The following GJC1 variants were observed in gnomAD, a reference collection of about 807,000 sequenced individuals.
GJC1 encodes the protein gap junction gamma-1 protein.
In GJC1, 5 loss-of-function variants were observed where a neutral mutation model predicts 29.3. That is an observed-to-expected ratio of 0.17 (90% CI 0.09 to 0.36). The LOEUF is 0.36. GJC1 is among the 10% of genes least tolerant of loss of function. GJC1 has a pLI of 1.00. For missense variants in GJC1, 310 were observed against 496.2 expected, an observed-to-expected ratio of 0.62 and a Z score of 3.56; for synonymous variants, 177 against 183.3, an observed-to-expected ratio of 0.97 and a Z score of 0.28.
Position 44,804,918 on chromosome 17 carries a change from C to A in GJC1, c.900G>T (p.Gln300His), listed in dbSNP as rs550798574. 6.2e-7 allele frequency: 1 copy of A among 1,614,148 alleles called. No individual in the cohort carries two copies. Among genetic ancestry groups the A allele is most frequent in the African/African-American group, 1.3e-5 (1 of 75,010 alleles). Residue 300 changes from glutamine (Q) to histidine (H), a missense_variant, in exon 3 of 3, where the codon CAG (glutamine) becomes CAT (histidine). Physicochemically the swap from Gln to His is conservative, Grantham distance 24. Coordinates refer to ENST00000592524, the MANE Select transcript of GJC1 (RefSeq NM_005497.4). Reference sequence around the variant, plus strand: ...TCTTAGCATTGGACAGTTCGGTGTACTGGATTTGATCTGGTTTGACAGCAA... The same window carrying A: ...TCTTAGCATTGGACAGTTCGGTGTAATGGATTTGATCTGGTTTGACAGCAA... ...YNIAVKPDQI[Q>H]YTELSNAKIA...
intron 1 of GJC1, among the ~76,000 whole-genome samples, chr17:44,808,649 C>A (rs2049940204): frequency 6.6e-6 from 1 of 152,200 alleles, no homozygotes. Flanking sequence ...GTGGTCCCAG[C>A]TACTTGGGAG....
At chr17:44,824,710 T>C (rs1016596341) in intron 1 of GJC1, among the ~76,000 whole-genome samples, 1 of 150,948 alleles carries the variant, frequency 6.6e-6, no homozygotes, top group African/African-American at 2.4e-5. Flanking sequence ...CTTGGGAGGC[T>C]GAGGCAGGAG....
chr17:44,796,073 C>CACCGGTGCCTGTCAGTGT (rs1189380453), downstream of GJC1, among the ~76,000 whole-genome samples: 10 of 152,204 alleles, frequency 6.6e-5, no homozygotes, highest in South Asian at 4.1e-4. Flanking sequence ...CCTGCCAGCG[C>CACCGGTGCCTGTCAGTGT]ACCGGTGCCT....
intron 1 of GJC1, among the ~76,000 whole-genome samples, chr17:44,815,227 T>C (rs543292142): frequency 6.6e-6 from 1 of 152,286 alleles, no homozygotes; most frequent in Non-Finnish European, 1.5e-5. Flanking sequence ...TCACCCAGGC[T>C]GGAGTGCAGT....
chr17:44,824,739 G>A (rs2050150682), intron 1 of GJC1, among the ~76,000 whole-genome samples: 1 of 151,094 alleles, frequency 6.6e-6, no homozygotes, highest in African/African-American at 2.4e-5. Flanking sequence ...GAACCTGGGA[G>A]GCAGAGGTTG....
chr17:44,817,009 G>A (rs570564641), intron 1 of GJC1, among the ~76,000 whole-genome samples: 36 of 151,592 alleles, frequency 2.4e-4, no homozygotes, highest in Admixed American at 4.6e-4. Context: ...TCAGGAGTTC[G>A]AGACCAGCCT....
intron 1 of GJC1, among the ~76,000 whole-genome samples, chr17:44,823,722 T>C (rs1451017366): frequency 6.6e-6 from 1 of 151,736 alleles, no homozygotes; most frequent in African/African-American, 2.4e-5. Flanking sequence ...TTTCCTTTTT[T>C]TTTTTTTGAG....
At chr17:44,820,376 A>G (rs1187599274) in intron 1 of GJC1, among the ~76,000 whole-genome samples, 1 of 152,218 alleles carries the variant, frequency 6.6e-6, no homozygotes. Flanking sequence ...TTCTTTCCAT[A>G]TCCTAATTTC....
chr17:44,808,410 GAAC>G (rs777222286), intron 1 of GJC1, among the ~76,000 whole-genome samples: 48 of 146,066 alleles, frequency 3.3e-4, no homozygotes, highest in Non-Finnish European at 1.4e-4. Flanking sequence ...CTGGTAGATA[GAAC>G]AACACCCTGT....
At position 44,798,594 on chromosome 17, in the gene GJC1, G is replaced by A. The variant is rs1290539790; in HGVS notation, c.*6033C>T. The A allele has an allele frequency of 2.0e-5, 3 of 152,176 alleles. No homozygotes were observed. The highest frequency in any genetic ancestry group is 2.9e-5 in the Non-Finnish European group (2 of 68,028). 9.4% of individuals were successfully genotyped at this position (152,176 alleles called of 1,614,324 possible). A position where few individuals can be genotyped will look rare whatever the true frequency, so the allele number is the denominator to read the frequency against. On this transcript the variant is annotated 3_prime_UTR_variant, in exon 3 of 3. Coordinates refer to ENST00000592524, the MANE Select transcript of GJC1 (RefSeq NM_005497.4). ...AGTGATCTTTGGCACTAGAACAGGT[G>A]ATTCCTTAGCTGTTCATGCAATATC...
chr17:44,830,958 C>T (rs1243243143), upstream of GJC1: 1 of 363,550 alleles, frequency 2.8e-6, no homozygotes, highest in Non-Finnish European at 4.9e-6. The surrounding 1 kb of genome is among the most constrained non-coding windows in gnomAD (Gnocchi z 4.3). Flanking sequence ...TTTTAAAATG[C>T]CCAGTAGGAA....
At chr17:44,795,187 T>G (rs1346390624), downstream of GJC1, 1 of 152,200 alleles carries the variant, frequency 6.6e-6, no homozygotes, top group Non-Finnish European at 1.5e-5. Flanking sequence ...TCTTTTCACA[T>G]GGGCCTAGTC....
chr17:44,811,583 T>C (rs1332694809), intron 1 of GJC1, among the ~76,000 whole-genome samples: 2 of 151,674 alleles, frequency 1.3e-5, no homozygotes, highest in African/African-American at 4.8e-5. Context: ...GAAGAGGTTT[T>C]GCCATGTTGC....
intron 1 of GJC1, among the ~76,000 whole-genome samples, chr17:44,811,455 G>T: frequency 6.7e-6 from 1 of 150,256 alleles, no homozygotes; most frequent in East Asian, 2.0e-4. Flanking sequence ...GCGGCACCTG[G>T]GCTCACTGTA....
chr17:44,804,936 G>A lies in GJC1; in HGVS notation c.882C>T (p.Val294=), dbSNP rs1431082609. The A allele has an allele frequency of 6.2e-7, 1 of 1,614,150 alleles. No homozygotes were observed. Among genetic ancestry groups the A allele is most frequent in the Non-Finnish European group, 8.5e-7 (1 of 1,180,008 alleles). The change falls in exon 3 of 3, where the codon GTC becomes GTT. Residue 294 remains valine (V), a synonymous_variant. Transcript: ENST00000592524. ...PSAPPGYNIA[V]KPDQIQYTEL... ...CGGTGTACTGGATTTGATCTGGTTT[G>A]ACAGCAATGTTATAGCCAGGGGGAG... is the stretch of plus-strand genomic sequence containing the variant.
intron 1 of GJC1, among the ~76,000 whole-genome samples, chr17:44,826,220 C>G (rs928459960): frequency 6.6e-6 from 1 of 152,170 alleles, no homozygotes; most frequent in African/African-American, 2.4e-5. Context: ...CCACTCCTGG[C>G]CCCATTTCAT....
chr17:44,805,271 C>A lies in GJC1; in HGVS notation c.547G>T (p.Ala183Ser). 6.2e-7 allele frequency: 1 copy of A among 1,614,172 alleles called. No individual in the cohort carries two copies. Among genetic ancestry groups the A allele is most frequent in the Non-Finnish European group, 8.5e-7 (1 of 1,180,026 alleles). ...LMKIYVLQLL[A>S]RTVFEVGFLI... ...AAACCCACCTCAAACACGGTCCTTG[C>A]CAGCAACTGCAGCACATAGATTTTC... Residue 183 changes from alanine to serine, a missense_variant, in exon 3 of 3, where the codon GCA becomes TCA. This residue lies in a region of GJC1 where 45 missense variants were observed against 126.2 expected (regional missense o/e 0.36). Transcript: ENST00000592524. This position sits in a 1 kb window ranked among gnomAD's most constrained non-coding sequence, Gnocchi z 5.1.
At position 44,801,851 on chromosome 17, in the gene GJC1, C is replaced by G. The variant is rs937574455; in HGVS notation, c.*2776G>C. ...AACTCCTGACCTCAGGTAATCCACCCGCCTGGGCCTCCTAAAGTGCTGGGA... is the reference window on the plus strand; with the variant it reads ...AACTCCTGACCTCAGGTAATCCACCGGCCTGGGCCTCCTAAAGTGCTGGGA... On this transcript the variant is annotated 3_prime_UTR_variant, in exon 3 of 3. Coordinates refer to ENST00000592524, the MANE Select transcript of GJC1 (RefSeq NM_005497.4). 2.0e-5 allele frequency: 3 copies of G among 152,106 alleles called. No homozygotes were observed. The highest frequency in any genetic ancestry group is 7.2e-5 in the African/African-American group (3 of 41,418). The allele number at this position is 152,106 out of a possible 1,614,324, so 9.4% of individuals were successfully genotyped here. A position where few individuals can be genotyped will look rare whatever the true frequency, so the allele number is the denominator to read the frequency against.
In GJC1 at chr17:44,804,280, TACAAAA is replaced by T. The variant is rs1471166239; in HGVS notation, c.*341_*346del. On this transcript the variant is annotated 3_prime_UTR_variant, in exon 3 of 3. Coordinates refer to ENST00000592524, the MANE Select transcript of GJC1 (RefSeq NM_005497.4). Reference sequence around the variant, plus strand: ...TAACTACAGCAGTTCAATGTACAAATACAAAAAAAGTTCTCATACTAAAAAAAAAAA... The same window carrying T: ...TAACTACAGCAGTTCAATGTACAAATAAAGTTCTCATACTAAAAAAAAAAA... The T allele has an allele frequency of 1.0e-5, 2 of 195,004 alleles. No individual in the cohort carries two copies. The highest frequency in any genetic ancestry group is 5.5e-5 in the Admixed American group (1 of 18,184). 12.1% of individuals were successfully genotyped at this position (195,004 alleles called of 1,614,324 possible). A position where few individuals can be genotyped will look rare whatever the true frequency, so the allele number is the denominator to read the frequency against.
Sources: gnomAD v4.1 joint callset for allele counts (sites outside exome capture counted in the v4.1 genomes callset) on GRCh38, gnomAD v4.1.1 for gene constraint, gnomAD v4.1.1 regional missense constraint, Gnocchi (gnomAD v3.1) non-coding constraint, MANE v1.5 for transcripts, NCBI Gene and HGNC (gene_info 2026-07-23, HGNC 2026-07-21) for gene names.